Variants in PTPRG observed in about 807,000 individuals in gnomAD.
PTPRG encodes protein tyrosine phosphatase receptor type G, also known as receptor-type tyrosine-protein phosphatase gamma.
Under a neutral mutation model 165.3 loss-of-function variants are expected in PTPRG, and 102 were observed. The ratio of observed to expected loss-of-function variants is 0.62; its 90% CI spans 0.53 to 0.73. PTPRG has a LOEUF of 0.73. Among genes scored for constraint, PTPRG ranks in the 30% least tolerant of loss-of-function variants. PTPRG has a pLI of 0.00. For missense variants in PTPRG, 1,866 were observed against 1,861.4 expected (o/e 1.00, Z -0.05); for synonymous variants, 675 against 669.5 (o/e 1.01, Z -0.13).
intron 8 of PTPRG, among the ~76,000 whole-genome samples, chr3:62,168,521 G>A (rs1705086662): frequency 6.6e-6 from 1 of 152,140 alleles, no homozygotes; most frequent in African/African-American, 2.4e-5. Context: ...TCAGTGAAAC[G>A]GGAGAGTTCC....
chr3:62,060,102 C>T (rs1195502681), intron 4 of PTPRG, among the ~76,000 whole-genome samples: 2 of 151,824 alleles, frequency 1.3e-5, no homozygotes, highest in Admixed American at 1.3e-4. Context: ...CCTGTAGCCC[C>T]AGCTATTCCC....
intron 2 of PTPRG, chr3:61,770,150 C>T (rs1048213618): frequency 4.6e-5 from 7 of 152,126 alleles, no homozygotes; most frequent in African/African-American, 1.7e-4. Context: ...CGTGCTATAT[C>T]TGCCATGGAA....
intron 2 of PTPRG, among the ~76,000 whole-genome samples, chr3:61,917,719 C>T (rs2038976049): frequency 6.6e-6 from 1 of 152,152 alleles, no homozygotes; most frequent in Non-Finnish European, 1.5e-5. Flanking sequence ...CACCTGAGGT[C>T]AGGAGTTTGA....
intron 2 of PTPRG, among the ~76,000 whole-genome samples, chr3:61,912,693 C>T (rs369631475): frequency 6.6e-6 from 1 of 152,112 alleles, no homozygotes; most frequent in African/African-American, 2.4e-5. Flanking sequence ...TCTTGTCAAT[C>T]GGGACCAAGA....
intron 2 of PTPRG, among the ~76,000 whole-genome samples, chr3:61,807,855 G>C (rs1190906261): frequency 6.6e-6 from 1 of 152,088 alleles, no homozygotes; most frequent in Admixed American, 6.6e-5. Context: ...CTGCAAAGCA[G>C]CTCAGAGAAT....
At chr3:62,092,089 CA>C in intron 5 of PTPRG, among the ~76,000 whole-genome samples, 1 of 112,014 alleles carries the variant, frequency 8.9e-6, no homozygotes, top group East Asian at 2.4e-4. Context: ...CACACACACA[CA>C]CACACACACA....
intron 1 of PTPRG, among the ~76,000 whole-genome samples, chr3:61,702,961 C>T (rs2031053465): frequency 6.6e-6 from 1 of 152,164 alleles, no homozygotes; most frequent in Admixed American, 6.5e-5. Flanking sequence ...TGTTGGTGCA[C>T]ATTTGTATGC....
chr3:61,747,836 A>G (rs1410836232), intron 1 of PTPRG, among the ~76,000 whole-genome samples: 1 of 151,670 alleles, frequency 6.6e-6, no homozygotes, highest in East Asian at 1.9e-4. Context: ...GTTTAGGTGC[A>G]TTTAAATGTT....
chr3:61,843,653 T>C (rs1175885861), intron 2 of PTPRG, among the ~76,000 whole-genome samples: 1 of 152,188 alleles, frequency 6.6e-6, no homozygotes, highest in East Asian at 1.9e-4. Context: ...TCTTCTCTTT[T>C]TTTACTACCA....
intron 2 of PTPRG, among the ~76,000 whole-genome samples, chr3:61,785,689 G>T (rs1386287744): frequency 1.3e-5 from 2 of 152,138 alleles, no homozygotes; most frequent in African/African-American, 4.8e-5. Context: ...AAGCATGAGG[G>T]TCCTCATGTT....
chr3:61,612,455 A>T (rs558630431), intron 1 of PTPRG, among the ~76,000 whole-genome samples: 1 of 152,320 alleles, frequency 6.6e-6, no homozygotes, highest in African/African-American at 2.4e-5. Context: ...AGTTGTAGGT[A>T]GTTCTCGGCA....
In PTPRG at chr3:62,195,272, C is replaced by A; in HGVS notation, c.1327+102C>A. ...GGTGCTGGGGAAAAATACAAACAAG[C>A]CTGGCAGAAGAATCAGTGTAGGGTT... On this transcript the variant is annotated intron_variant, in intron 10 of 29. Transcript: ENST00000474889. This position sits in a 1 kb window ranked among gnomAD's most constrained non-coding sequence, Gnocchi z 4.4. The A allele has an allele frequency of 3.8e-6, 4 of 1,060,492 alleles. No individual in the cohort carries two copies. Among genetic ancestry groups the A allele is most frequent in the East Asian group, 2.4e-5 (1 of 41,272 alleles). The allele number at this position is 1,060,492 out of a possible 1,614,324, so 65.7% of individuals were successfully genotyped here.
At chr3:61,746,749 G>C (rs1046860073) in intron 1 of PTPRG, among the ~76,000 whole-genome samples, 1 of 152,174 alleles carries the variant, frequency 6.6e-6, no homozygotes, top group Non-Finnish European at 1.5e-5. Flanking sequence ...GCTAACATTG[G>C]TGGTGGCGGG....
chr3:61,627,346 C>G (rs1033898370), intron 1 of PTPRG, among the ~76,000 whole-genome samples: 1 of 151,948 alleles, frequency 6.6e-6, no homozygotes, highest in Non-Finnish European at 1.5e-5. Flanking sequence ...TTGCCTGATA[C>G]GATAATTGTT....
At chr3:61,652,540 G>A (rs564280173) in intron 1 of PTPRG, among the ~76,000 whole-genome samples, 2 of 152,250 alleles carry the variant, frequency 1.3e-5, no homozygotes, top group South Asian at 4.1e-4. Context: ...ATTCAGTGGA[G>A]CAAATGTTCC....
intron 4 of PTPRG, among the ~76,000 whole-genome samples, chr3:62,051,222 A>G (rs1303282097): frequency 6.6e-6 from 1 of 152,216 alleles, no homozygotes; most frequent in South Asian, 2.1e-4. Context: ...ATAGAAAGTA[A>G]TAAGAGTCTC....
chr3:62,231,189 T>C (rs371756411), intron 13 of PTPRG, 36 bp from the exon 14 acceptor site: 12 of 1,485,158 alleles, frequency 8.1e-6, no homozygotes, highest in Non-Finnish European at 1.1e-5. Flanking sequence ...AATACTGTAT[T>C]CTACACCTGT....
At chr3:61,595,599 T>G (rs1700682841) in intron 1 of PTPRG, among the ~76,000 whole-genome samples, 1 of 152,196 alleles carries the variant, frequency 6.6e-6, no homozygotes, top group Non-Finnish European at 1.5e-5. Flanking sequence ...TTCTCCTAAT[T>G]GAAAAGACAT....
At chr3:61,581,414 C>G (rs1015699860) in intron 1 of PTPRG, among the ~76,000 whole-genome samples, 2 of 152,156 alleles carry the variant, frequency 1.3e-5, no homozygotes, top group Non-Finnish European at 2.9e-5. Context: ...GGTTTCATGG[C>G]ATCCTTTTCC....
Sources: allele counts gnomAD v4.1 joint callset (sites outside exome capture counted in the v4.1 genomes callset), GRCh38; gene constraint gnomAD v4.1.1; non-coding constraint Gnocchi (gnomAD v3.1); transcripts MANE v1.5; gene names NCBI Gene and HGNC (gene_info 2026-07-23, HGNC 2026-07-21).